The following ATRNL1 variants were observed in gnomAD, a reference collection of about 807,000 sequenced individuals.
ATRNL1 encodes attractin like 1, also known as attractin-like protein 1.
In ATRNL1, 95 loss-of-function variants were observed where a neutral mutation model predicts 182.7. That is an observed-to-expected ratio of 0.52 (90% CI 0.44 to 0.62). The LOEUF (loss-of-function observed/expected upper bound fraction) is 0.62. Ranked by LOEUF, ATRNL1 falls within the 20% of genes least tolerant of loss-of-function variation. ATRNL1 has a pLI of 0.00. For synonymous variants in ATRNL1, 576 were observed against 568.3 expected, an observed-to-expected ratio of 1.01 and a Z score of -0.19; for missense variants, 1,471 against 1,679.5, an observed-to-expected ratio of 0.88 and a Z score of 2.17.
chr10:115,610,101 T>A (rs1454442011), intron 26 of ATRNL1, among the ~76,000 whole-genome samples: 1 of 152,236 alleles, frequency 6.6e-6, no homozygotes, highest in Admixed American at 6.5e-5. Flanking sequence ...AACTTTCAGT[T>A]TGTGAGATGA....
At chr10:115,315,757 A>G in intron 18 of ATRNL1, 21 bp downstream of exon 18, 1 of 1,589,248 alleles carries the variant, frequency 6.3e-7, no homozygotes, top group Non-Finnish European at 8.6e-7. Flanking sequence ...TGTAATGGAA[A>G]CAATTTCAGT....
chr10:115,330,675 T>TC (rs1855168562), intron 18 of ATRNL1, among the ~76,000 whole-genome samples: 1 of 146,712 alleles, frequency 6.8e-6, no homozygotes, highest in Admixed American at 6.8e-5. Flanking sequence ...TTATTTGCTT[T>TC]TTTTTTTTTT....
chr10:115,488,355 C>A (rs1554975668), intron 24 of ATRNL1, among the ~76,000 whole-genome samples: 2 of 152,010 alleles, frequency 1.3e-5, no homozygotes, highest in African/African-American at 4.8e-5. Flanking sequence ...TGGTAGTGGA[C>A]TTTTTTTGGT....
chr10:115,217,100 T>G (rs1324310562), intron 9 of ATRNL1, among the ~76,000 whole-genome samples: 2 of 152,154 alleles, frequency 1.3e-5, no homozygotes, highest in African/African-American at 4.8e-5. Flanking sequence ...TTTAATTTAT[T>G]TATTTGAGAC....
intron 26 of ATRNL1, among the ~76,000 whole-genome samples, chr10:115,681,361 G>A (rs781824598): frequency 9.2e-5 from 14 of 152,098 alleles, no homozygotes; most frequent in Non-Finnish European, 8.8e-5. Context: ...AGACTTTTAC[G>A]TGTGTTATCT....
intron 24 of ATRNL1, among the ~76,000 whole-genome samples, chr10:115,480,860 G>C: frequency 6.6e-6 from 1 of 150,936 alleles, no homozygotes; most frequent in East Asian, 1.9e-4. Flanking sequence ...CTTATCCAGA[G>C]CTATTCTTTA....
chr10:115,157,499 A>G (rs114460895), intron 5 of ATRNL1, among the ~76,000 whole-genome samples: 1,862 of 152,226 alleles, frequency 0.012, 32 homozygotes, highest in African/African-American at 0.042. Flanking sequence ...AATAAAGACA[A>G]CATATAGATT....
In ATRNL1 at chr10:115,193,907, C is replaced by T. The variant is rs984478494; in HGVS notation, c.1349-21790C>T. 5.3e-5 allele frequency among the ~76,000 whole-genome samples: 8 copies of T among 151,636 alleles called. No individual in the cohort carries two copies. In the East Asian group the frequency reaches 7.8e-4, roughly 15 times the overall value. On this transcript the variant is annotated intron_variant, in intron 8 of 28. Transcript: ENST00000355044. The stretch of plus-strand genomic sequence containing the variant: ...GTTTTGATCTGTTTGTCTCCATTTT[C>T]GTTTGTTTCTGGAAATTTTAAAATT...
At chr10:115,914,019 A>G (rs1446417063) in intron 28 of ATRNL1, among the ~76,000 whole-genome samples, 1 of 152,070 alleles carries the variant, frequency 6.6e-6, no homozygotes, top group Non-Finnish European at 1.5e-5. Context: ...ACCTCATGGG[A>G]GGTGATTAGA....
At chr10:115,306,708 A>C (rs141077583) in intron 17 of ATRNL1, among the ~76,000 whole-genome samples, 1 of 152,082 alleles carries the variant, frequency 6.6e-6, no homozygotes. Context: ...ACTTCTAGAT[A>C]TATCTTAATA....
intron 5 of ATRNL1, among the ~76,000 whole-genome samples, chr10:115,158,112 C>A (rs1846608577): frequency 1.3e-5 from 2 of 151,964 alleles, no homozygotes; most frequent in Non-Finnish European, 2.9e-5. Flanking sequence ...CCCAGATTCA[C>A]CTATTAACAT....
At chr10:115,265,114 G>A (rs527792673) in intron 10 of ATRNL1, 79 bp from the exon 11 acceptor site, 15 of 882,682 alleles carry the variant, frequency 1.7e-5, no homozygotes, top group African/African-American at 6.8e-5. Flanking sequence ...TCTTTAATTC[G>A]GCCAATGATG....
At chr10:115,786,305 T>C (rs1296645630) in intron 27 of ATRNL1, among the ~76,000 whole-genome samples, 1 of 152,130 alleles carries the variant, frequency 6.6e-6, no homozygotes, top group Non-Finnish European at 1.5e-5. Context: ...AGGGCCACCA[T>C]AACCAATTAC....
chr10:115,241,888 A>G (rs1157831365), intron 10 of ATRNL1, among the ~76,000 whole-genome samples, 163 bp downstream of exon 10: 3 of 152,118 alleles, frequency 2.0e-5, no homozygotes, highest in Non-Finnish European at 4.4e-5. Context: ...TATTATAGTA[A>G]TAGAGCCAGG....
At chr10:115,668,330 T>C (rs1369411593) in intron 26 of ATRNL1, among the ~76,000 whole-genome samples, 1 of 152,170 alleles carries the variant, frequency 6.6e-6, no homozygotes, top group African/African-American at 2.4e-5. Context: ...TCCTGTTTCA[T>C]CTATTCTCAA....
chr10:115,683,935 T>C (rs1946135662), intron 26 of ATRNL1, among the ~76,000 whole-genome samples: 1 of 151,806 alleles, frequency 6.6e-6, no homozygotes, highest in Admixed American at 6.6e-5. Flanking sequence ...AAGAAAATTT[T>C]CATTGACCTG....
chr10:115,811,783 T>G (rs1426059767), intron 27 of ATRNL1, among the ~76,000 whole-genome samples: 1 of 152,012 alleles, frequency 6.6e-6, no homozygotes, highest in Non-Finnish European at 1.5e-5. Flanking sequence ...CTTTGTGCCT[T>G]TAATATAGCC....
At chr10:115,125,815 C>T (rs782795112) in intron 3 of ATRNL1, among the ~76,000 whole-genome samples, 1 of 152,130 alleles carries the variant, frequency 6.6e-6, no homozygotes, top group Non-Finnish European at 1.5e-5. Context: ...AAATTACCAC[C>T]GAGTTTTTTT....
chr10:115,375,050 A>G (rs546759382), intron 19 of ATRNL1, among the ~76,000 whole-genome samples: 1 of 151,698 alleles, frequency 6.6e-6, no homozygotes, highest in African/African-American at 2.4e-5. Flanking sequence ...TATCTGGATG[A>G]TCTGTTCAAT....
Sources: allele counts gnomAD v4.1 joint callset (sites outside exome capture counted in the v4.1 genomes callset), GRCh38; gene constraint gnomAD v4.1.1; transcripts MANE v1.5; gene names NCBI Gene and HGNC (gene_info 2026-07-23, HGNC 2026-07-21).